Variants in MGAT5 observed in about 807,000 individuals in gnomAD.
MGAT5 encodes the protein alpha-1,6-mannosylglycoprotein 6-beta-N-acetylglucosaminyltransferase A.
A neutral mutation model predicts 94.3 loss-of-function variants in MGAT5; 30 were observed. The observed-to-expected ratio is 0.32, with a 90% CI of 0.24 to 0.43. The LOEUF is 0.43. Among genes scored for constraint, MGAT5 ranks in the 20% least tolerant of loss-of-function variants. The pLI, the probability that MGAT5 is intolerant of heterozygous loss-of-function variation, is 1.00. For synonymous variants in MGAT5, 310 were observed against 322.9 expected (o/e 0.96, Z 0.43); for missense variants, 691 against 905.5 (o/e 0.76, Z 3.04).
chr2:134,394,427 T>C (rs1682591093), intron 10 of MGAT5, among the ~76,000 whole-genome samples: 1 of 152,178 alleles, frequency 6.6e-6, no homozygotes, highest in Admixed American at 6.5e-5. Context: ...TTAACATGAA[T>C]ATATGAAGAG....
At chr2:134,250,345 C>CTA (rs1300236154), upstream of MGAT5, among the ~76,000 whole-genome samples, 1 of 152,238 alleles carries the variant, frequency 6.6e-6, no homozygotes, top group Non-Finnish European at 1.5e-5. Flanking sequence ...GATGACTTAG[C>CTA]TAGAGGACAC....
At chr2:134,341,866 A>G in intron 7 of MGAT5, 107 bp downstream of exon 7, 1 of 934,986 alleles carries the variant, frequency 1.1e-6, no homozygotes, top group Non-Finnish European at 1.5e-6. Flanking sequence ...GGAAAATGAA[A>G]GTGATAATTC....
chr2:134,154,586 G>C (rs890750664), intron 1 of MGAT5, among the ~76,000 whole-genome samples: 10 of 152,122 alleles, frequency 6.6e-5, no homozygotes, highest in African/African-American at 2.4e-4. Context: ...TAAGCTGGTG[G>C]TAAGCCTCCA....
chr2:134,173,405 C>A (rs1329428283), intron 1 of MGAT5, among the ~76,000 whole-genome samples: 2 of 152,144 alleles, frequency 1.3e-5, no homozygotes, highest in African/African-American at 2.4e-5. Context: ...GTCTGTCAGC[C>A]CTGCCACCCA....
intron 4 of MGAT5, among the ~76,000 whole-genome samples, chr2:134,332,224 T>G (rs1487554536): frequency 6.6e-6 from 1 of 152,100 alleles, no homozygotes; most frequent in African/African-American, 2.4e-5. Context: ...AGCATGGTAC[T>G]GGTACCAAAA....
At chr2:134,246,032 A>G (rs148016634) in intron 1 of MGAT5, among the ~76,000 whole-genome samples, 3 of 152,268 alleles carry the variant, frequency 2.0e-5, no homozygotes, top group African/African-American at 4.8e-5. Context: ...CCAGATATTC[A>G]AAGAGTATTC....
intron 1 of MGAT5, among the ~76,000 whole-genome samples, chr2:134,140,500 C>G (rs1037800232): frequency 1.3e-5 from 2 of 152,186 alleles, no homozygotes; most frequent in Non-Finnish European, 2.9e-5. Context: ...GCGTGACTGC[C>G]AGCTCTAAAA....
intron 1 of MGAT5, among the ~76,000 whole-genome samples, chr2:134,226,486 T>G (rs1394012963): frequency 6.6e-6 from 1 of 152,226 alleles, no homozygotes; most frequent in African/African-American, 2.4e-5. Context: ...TCTATGTTTC[T>G]ACTTGCTTTT....
At chr2:134,324,858 A>G (rs1238778551) in intron 4 of MGAT5, among the ~76,000 whole-genome samples, 1 of 152,088 alleles carries the variant, frequency 6.6e-6, no homozygotes, top group East Asian at 1.9e-4. Flanking sequence ...CTTTTCCTCA[A>G]GATAATATTT....
chr2:134,174,425 A>G (rs561520289), intron 1 of MGAT5, among the ~76,000 whole-genome samples: 4 of 152,378 alleles, frequency 2.6e-5, no homozygotes, highest in Admixed American at 2.6e-4. Flanking sequence ...ACTCACCTCT[A>G]TGCCATGCGT....
At chr2:134,191,365 C>T (rs986274375) in intron 1 of MGAT5, among the ~76,000 whole-genome samples, 5 of 152,250 alleles carry the variant, frequency 3.3e-5, no homozygotes, top group African/African-American at 9.6e-5. Flanking sequence ...CAGACTCAAC[C>T]CTCCTGAATA....
intron 15 of MGAT5, among the ~76,000 whole-genome samples, chr2:134,446,724 T>C (rs767479419): frequency 5.3e-5 from 8 of 152,336 alleles, no homozygotes; most frequent in Middle Eastern, 3.4e-3. Flanking sequence ...GTAGTTGCAG[T>C]GCTCTCCCGG....
In MGAT5 at chr2:134,412,952, G is replaced by T; in HGVS notation, c.1614G>T (p.Lys538Asn). ...IANGCAFLNP[K>N]FNPPKSSKNT... ...ATGGATGTGCTTTTCTGAATCCCAA[G>T]TTCAACCCACCCAAAAGCAGCAAAA... Residue 538 changes from lysine (K) to asparagine (N), a missense_variant, in exon 12 of 16, where the codon AAG becomes AAT. Around this residue, in one of 4 missense-constraint regions of MGAT5, gnomAD observed 260 missense variants for 347.0 expected, o/e 0.75. Transcript: ENST00000281923. 6 of 1,614,134 alleles carry T rather than the reference G, an allele frequency of 3.7e-6. No homozygotes were observed. The highest frequency in any genetic ancestry group is 5.1e-6 in the Non-Finnish European group (6 of 1,180,006).
chr2:134,164,401 T>C (rs139265656), intron 1 of MGAT5, among the ~76,000 whole-genome samples: 1 of 152,114 alleles, frequency 6.6e-6, no homozygotes, highest in Non-Finnish European at 1.5e-5. Flanking sequence ...GAGACCAAAT[T>C]TGGGGACCTC....
chr2:134,201,540 T>C (rs1431073995), intron 1 of MGAT5, among the ~76,000 whole-genome samples: 1 of 152,138 alleles, frequency 6.6e-6, no homozygotes, highest in Non-Finnish European at 1.5e-5. Flanking sequence ...GAAGTCAGCA[T>C]CTTCCACAGC....
Position 134,220,332 on chromosome 2 carries a change from C to A in MGAT5, c.-142-33930C>A, listed in dbSNP as rs1356701019. Among the ~76,000 whole-genome samples, 7 of 152,066 alleles carry A rather than the reference C, an allele frequency of 4.6e-5. No individual in the cohort carries two copies. In the East Asian group the frequency reaches 1.4e-3, roughly 29 times the overall value. ...CTTTCCCATGTATCCCCCACCCCGA[C>A]CAAATGAAATGACCTGTCTCTGCCA... On this transcript the variant is annotated intron_variant, in intron 1 of 16. Transcript: ENST00000409645.
At chr2:134,375,242 T>TGGGTATAG (rs1681091434) in intron 10 of MGAT5, among the ~76,000 whole-genome samples, 1 of 152,216 alleles carries the variant, frequency 6.6e-6, no homozygotes, top group Non-Finnish European at 1.5e-5. Context: ...TAAAGGTTCC[T>TGGGTATAG]CAGGTGGTCA....
chr2:134,159,785 G>A (rs1687647304), intron 1 of MGAT5, among the ~76,000 whole-genome samples: 1 of 152,184 alleles, frequency 6.6e-6, no homozygotes, highest in Non-Finnish European at 1.5e-5. Context: ...TGGAGACTGT[G>A]CTGGAAAGGC....
chr2:134,364,086 C>T (rs1033040082), intron 10 of MGAT5, among the ~76,000 whole-genome samples: 2 of 152,148 alleles, frequency 1.3e-5, no homozygotes, highest in Non-Finnish European at 2.9e-5. Flanking sequence ...TCCTAGCACT[C>T]TCTGGCAACT....
Sources: gnomAD v4.1 joint callset for allele counts (sites outside exome capture counted in the v4.1 genomes callset) on GRCh38, gnomAD v4.1.1 for gene constraint, gnomAD v4.1.1 regional missense constraint, MANE v1.5 for transcripts, NCBI Gene and HGNC (gene_info 2026-07-23, HGNC 2026-07-21) for gene names.